The following PON1 variants were observed in gnomAD, a reference collection of about 807,000 sequenced individuals.
PON1 encodes the protein serum paraoxonase/arylesterase 1.
A neutral mutation model predicts 39.2 loss-of-function variants in PON1; 37 were observed. That is an observed-to-expected ratio of 0.94 (90% CI 0.73 to 1.24). The LOEUF is 1.24. Ranked by LOEUF, PON1 falls within the 50% of genes most tolerant of loss-of-function variation. The pLI is 0.00. For synonymous variants in PON1, 148 were observed against 152.2 expected, an observed-to-expected ratio of 0.97 and a Z score of 0.21; for missense variants, 397 against 413.5, an observed-to-expected ratio of 0.96 and a Z score of 0.35.
chr7:95,317,780 G>A lies in PON1; in HGVS notation c.145+543C>T, dbSNP rs560655107. On this transcript the variant is annotated intron_variant, in intron 2 of 8. Transcript: ENST00000222381. ...GACAGGGCCTGCCTCCCACATTGGA[G>A]GCTTGATAATTACTTTCCCAGCATC... 6.0e-4 allele frequency among the ~76,000 whole-genome samples: 92 copies of A among 152,128 alleles called. 2 individuals carry two copies. The South Asian group carries it at 0.019, about 31-fold the overall frequency.
At chr7:95,302,434 C>A (rs1474862899) in intron 7 of PON1, 101 bp from the exon 8 acceptor site, 15 of 992,996 alleles carry the variant, frequency 1.5e-5, no homozygotes, top group Non-Finnish European at 2.3e-5. Flanking sequence ...TCCTTGGTCA[C>A]CACGCTGCTG....
intron 5 of PON1, 45 bp downstream of exon 5, chr7:95,311,406 T>C (rs2116314030): frequency 5.6e-6 from 9 of 1,610,030 alleles, no homozygotes; most frequent in Non-Finnish European, 7.6e-6. Context: ...GGATTAACTA[T>C]CCGCTACAGC....
At chr7:95,318,669 C>A in intron 1 of PON1, 1 of 375,924 alleles carries the variant, frequency 2.7e-6, no homozygotes, top group Admixed American at 3.8e-5. Flanking sequence ...GGAACAGGAG[C>A]AATTTCATCA....
At chr7:95,313,612 A>ATG (rs1807701404) in intron 4 of PON1, among the ~76,000 whole-genome samples, 2 of 91,150 alleles carry the variant, frequency 2.2e-5, no homozygotes, top group African/African-American at 9.3e-5. Context: ...AGGGATATAT[A>ATG]TGTATATGTG....
intron 3 of PON1, among the ~76,000 whole-genome samples, chr7:95,315,768 C>A (rs1315224037): frequency 2.0e-5 from 3 of 152,044 alleles, no homozygotes; most frequent in African/African-American, 4.8e-5. Flanking sequence ...TGAGAAAGAT[C>A]AAAAATGGAA....
chr7:95,313,653 TG>T, intron 4 of PON1, among the ~76,000 whole-genome samples: 1 of 151,716 alleles, frequency 6.6e-6, no homozygotes, highest in Non-Finnish European at 1.5e-5. Flanking sequence ...TGTGTGTGTG[TG>T]TGTCTCACAT....
intron 8 of PON1, among the ~76,000 whole-genome samples, chr7:95,300,197 T>C (rs1192642692): frequency 1.3e-5 from 2 of 152,166 alleles, no homozygotes; most frequent in African/African-American, 4.8e-5. Flanking sequence ...CTGTAAAAAA[T>C]AGCAATAGCG....
chr7:95,315,340 T>C lies in PON1; in HGVS notation c.352A>G (p.Ser118Gly). 1 of 1,613,540 alleles carries C rather than the reference T, an allele frequency of 6.2e-7. No individual in the cohort carries two copies. The highest frequency in any genetic ancestry group is 1.1e-5 in the South Asian group (1 of 91,078). Residue 118 changes from serine to glycine, a missense_variant, in exon 4 of 9, where the codon AGC becomes GGC. Coordinates refer to ENST00000222381, the MANE Select transcript of PON1 (RefSeq NM_000446.7). ...DVSSFNPHGI[S>G]TFTDEDNAMY... ...TTGTTACCTTCATCTGTGAATGTGC[T>C]AATCCCATGAGGGTTAAATGAAGAT...
chr7:95,315,661 C>A (rs991012304), intron 3 of PON1, among the ~76,000 whole-genome samples, 171 bp from the exon 4 acceptor site: 6 of 152,158 alleles, frequency 3.9e-5, no homozygotes, highest in African/African-American at 1.4e-4. Flanking sequence ...CAGGAGAAGT[C>A]TTCTGGAAGC....
At chr7:95,318,085 CTTTTT>C (rs11343146) in intron 2 of PON1, among the ~76,000 whole-genome samples, 1 of 131,172 alleles carries the variant, frequency 7.6e-6, no homozygotes, top group African/African-American at 2.8e-5. Flanking sequence ...TTCTTTTTTT[CTTTTT>C]TTTTTTTTTG....
chr7:95,317,696 G>T (rs148559407), intron 2 of PON1, among the ~76,000 whole-genome samples: 3 of 151,856 alleles, frequency 2.0e-5, no homozygotes, highest in Non-Finnish European at 4.4e-5. Context: ...AGTTGAGCCC[G>T]GGGACTCTCC....
intron 5 of PON1, among the ~76,000 whole-genome samples, chr7:95,310,761 T>C (rs1291177075): frequency 6.6e-6 from 1 of 152,196 alleles, no homozygotes; most frequent in South Asian, 2.1e-4. Flanking sequence ...TAGGTTGGGA[T>C]TCTAGAAAAT....
In PON1 at chr7:95,315,466, T is replaced by A. The variant is rs771456410; in HGVS notation, c.226A>T (p.Ser76Cys). The change falls in exon 4 of 9, where the codon AGC becomes TGC. Residue 76 changes from serine (S) to cysteine (C), a missense_variant. Physicochemically the swap from Ser to Cys is moderately radical, Grantham distance 112. Coordinates refer to ENST00000222381, the MANE Select transcript of PON1 (RefSeq NM_000446.7). ...SSGLKYPGIK[S>C]FNPNSPGKIL... ...TTTCCAGGACTGTTGGGGTTGAAGCTCTTTATTCCAGGATACTTTAATCCC... is the reference window on the plus strand; with the variant it reads ...TTTCCAGGACTGTTGGGGTTGAAGCACTTTATTCCAGGATACTTTAATCCC... 6.2e-7 allele frequency: 1 copy of A among 1,614,094 alleles called. No individual in the cohort carries two copies.
chr7:95,319,294 G>T (rs1333604948), intron 1 of PON1, among the ~76,000 whole-genome samples: 1 of 151,974 alleles, frequency 6.6e-6, no homozygotes, highest in Non-Finnish European at 1.5e-5. Flanking sequence ...GCTACAGGCG[G>T]AACAGACACG....
At chr7:95,313,805 G>T (rs192382627) in intron 4 of PON1, among the ~76,000 whole-genome samples, 100 of 152,178 alleles carry the variant, frequency 6.6e-4, no homozygotes, top group East Asian at 1.5e-3. Context: ...AAAAGAAGAA[G>T]AATAATAATA....
intron 8 of PON1, among the ~76,000 whole-genome samples, chr7:95,299,905 C>T (rs899793189): frequency 6.6e-6 from 1 of 152,056 alleles, no homozygotes; most frequent in Non-Finnish European, 1.5e-5. Flanking sequence ...AATTAAGGTC[C>T]GTTTTCATGT....
chr7:95,306,175 T>C (rs1807536775), intron 7 of PON1, 110 bp downstream of exon 7: 2 of 886,552 alleles, frequency 2.3e-6, no homozygotes, highest in East Asian at 4.8e-5. Context: ...AGTGAAAAAT[T>C]GGTTCTCACC....
At position 95,311,387 on chromosome 7, in the gene PON1, A is replaced by C; in HGVS notation, c.497+64T>G. 1.9e-6 allele frequency: 3 copies of C among 1,598,722 alleles called. No individual in the cohort carries two copies. In the Admixed American group the frequency reaches 5.0e-5, roughly 27 times the overall value. On this transcript the variant is annotated intron_variant, in intron 5 of 8. Coordinates refer to ENST00000222381, the MANE Select transcript of PON1 (RefSeq NM_000446.7). ...ATACCTACTCTGGCCAAAAGGAAAA[A>C]CTAAAAGTGGATTAACTATCCGCTA...
At chr7:95,315,564 C>T in intron 3 of PON1, 74 bp from the exon 4 acceptor site, 1 of 1,475,990 alleles carries the variant, frequency 6.8e-7, no homozygotes, top group Non-Finnish European at 9.4e-7. Flanking sequence ...CTGCATGGCC[C>T]ATGGGTTCAT....
Sources: allele counts gnomAD v4.1 joint callset (sites outside exome capture counted in the v4.1 genomes callset), GRCh38; gene constraint gnomAD v4.1.1; transcripts MANE v1.5; gene names NCBI Gene and HGNC (gene_info 2026-07-23, HGNC 2026-07-21).